The following TNC variants were observed in gnomAD, a reference collection of about 807,000 sequenced individuals.
TNC encodes the protein tenascin.
A neutral mutation model predicts 202.4 loss-of-function variants in TNC; 109 were observed. The observed-to-expected ratio is 0.54, with a 90% CI of 0.46 to 0.63. The LOEUF is 0.63. TNC is among the 30% of genes least tolerant of loss of function. The pLI is 0.00. For synonymous variants in TNC, 1,007 were observed against 1,089.7 expected, an observed-to-expected ratio of 0.92 and a Z score of 1.50; for missense variants, 2,756 against 2,833.3, an observed-to-expected ratio of 0.97 and a Z score of 0.62.
At chr9:115,071,989 A>G (rs1349879793) in intron 10 of TNC, among the ~76,000 whole-genome samples, 2 of 152,214 alleles carry the variant, frequency 1.3e-5, no homozygotes, top group Non-Finnish European at 2.9e-5. Context: ...ATGCAGAGTC[A>G]ACAGAATTGA....
chr9:115,020,533 C>T lies in TNC; in HGVS notation c.*624G>A, dbSNP rs1175602844. ...CAACAATTCAAAGCAAAATAACAAA[C>T]TCAAAAGTACTTGTGCTTTTATTTA... On this transcript the variant is annotated 3_prime_UTR_variant, in exon 28 of 28. Transcript: ENST00000350763. 8.9e-6 allele frequency: 2 copies of T among 224,650 alleles called. No homozygotes were observed. Among genetic ancestry groups the T allele is most frequent in the South Asian group, 5.6e-5 (1 of 17,870 alleles). 13.9% of individuals were successfully genotyped at this position (224,650 alleles called of 1,614,324 possible). A position where few individuals can be genotyped will look rare whatever the true frequency, so the allele number is the denominator to read the frequency against.
chr9:115,105,132 T>C (rs1836515901), intron 1 of TNC, among the ~76,000 whole-genome samples: 1 of 152,160 alleles, frequency 6.6e-6, no homozygotes, highest in Admixed American at 6.5e-5. Flanking sequence ...CAATAAAGTC[T>C]CATACATTTT....
chr9:115,087,327 T>G, intron 2 of TNC, 54 bp from the exon 3 acceptor site: 2 of 1,573,752 alleles, frequency 1.3e-6, no homozygotes, highest in Non-Finnish European at 1.7e-6. Flanking sequence ...CACATTTTTC[T>G]GTATCTACCC....
chr9:115,048,314 A>T lies in TNC; in HGVS notation c.4798T>A (p.Ser1600Thr). The T allele has an allele frequency of 6.2e-7, 1 of 1,614,104 alleles. No individual in the cohort carries two copies. The highest frequency in any genetic ancestry group is 8.5e-7 in the Non-Finnish European group (1 of 1,179,964). The change falls in exon 16 of 28, where the codon TCT becomes ACT. Residue 1600 changes from serine (S) to threonine (T), a missense_variant. Around this residue, in one of 2 missense-constraint regions of TNC, gnomAD observed 2,559 missense variants for 2,546.0 expected, o/e 1.01. Transcript: ENST00000350763. The stretch of plus-strand genomic sequence containing the variant: ...GTTTGATGCCCTTGGGTGAAGCCAG[A>T]GACCATAACCTCATAGCCAATGCCA... Reference protein sequence around the residue: ...ITGIGYEVMVSGFTQGHQTKP... With the variant: ...ITGIGYEVMVTGFTQGHQTKP...
At chr9:115,070,944 C>T (rs778475132) in intron 10 of TNC, among the ~76,000 whole-genome samples, 8 of 152,222 alleles carry the variant, frequency 5.3e-5, no homozygotes, top group Admixed American at 2.6e-4. Context: ...TGTCCAAAAG[C>T]GTCTTCCCAT....
At chr9:115,101,461 C>T (rs1007810083) in intron 1 of TNC, among the ~76,000 whole-genome samples, 2 of 152,182 alleles carry the variant, frequency 1.3e-5, no homozygotes, top group Admixed American at 6.5e-5. Flanking sequence ...GATCTGCCCA[C>T]CTCTGCCTCC....
chr9:115,075,939 A>C, intron 9 of TNC, 93 bp downstream of exon 9: 1 of 1,128,920 alleles, frequency 8.9e-7, no homozygotes. Flanking sequence ...CCAGGCTTCT[A>C]CTTTTTCTCT....
At position 115,089,779 on chromosome 9, in the gene TNC, C is replaced by T. The variant is rs1018304372; in HGVS notation, c.457+783G>A. Among the ~76,000 whole-genome samples the T allele has an allele frequency of 3.3e-5, 5 of 152,208 alleles. No homozygotes were observed. In the East Asian group the frequency reaches 7.7e-4, roughly 23 times the overall value. ...CCTCCCAAAGTGCTGGGATTACAGG[C>T]GTGAACCACTGCGCCTAGCCAAAGA... On this transcript the variant is annotated intron_variant, in intron 2 of 27. Coordinates refer to ENST00000350763, the MANE Select transcript of TNC (RefSeq NM_002160.4).
At chr9:115,054,220 T>G (rs1207592538) in intron 15 of TNC, among the ~76,000 whole-genome samples, 2 of 152,182 alleles carry the variant, frequency 1.3e-5, no homozygotes, top group Admixed American at 6.5e-5. Flanking sequence ...GGGGCTCATT[T>G]GGATAAACTT....
Position 115,035,260 on chromosome 9 carries a change from G to C in TNC, c.5731C>G (p.Arg1911Gly), listed in dbSNP as rs148674204. Residue 1911 changes from arginine (R) to glycine (G), a missense_variant, in exon 22 of 28, where the codon CGG becomes GGG. Coordinates refer to ENST00000350763, the MANE Select transcript of TNC (RefSeq NM_002160.4). ...ETALLTWRPP[R>G]ASVTGYLLVY... ...AGCAGGTAACCGGTGACTGATGCCC[G>C]GGGGGGTCGCCAGGTAAGGAGGGCA... The C allele has an allele frequency of 2.5e-6, 4 of 1,609,108 alleles. No homozygotes were observed. The highest frequency in any genetic ancestry group is 2.5e-6 in the Non-Finnish European group (3 of 1,177,444).
Position 115,048,250 on chromosome 9 carries a change from T to C in TNC, c.4852+10A>G. On this transcript the variant is annotated intron_variant, in intron 16 of 27. Coordinates refer to ENST00000350763, the MANE Select transcript of TNC (RefSeq NM_002160.4). ...GAAGAGGAACAAATGGCTCACTTGA[T>C]TTGAAATACCTGTAACAATCTCAGC... 6.2e-7 allele frequency: 1 copy of C among 1,609,686 alleles called. No individual in the cohort carries two copies. Among genetic ancestry groups the C allele is most frequent in the Non-Finnish European group, 8.5e-7 (1 of 1,177,186 alleles).
In TNC at chr9:115,020,598, G is replaced by T; in HGVS notation, c.*559C>A. On this transcript the variant is annotated 3_prime_UTR_variant, in exon 28 of 28. Transcript: ENST00000350763. ...TCAGGTACTGTCCAGAAATGTTTTGGAAAGAAAGATCTCTTGAAAAATCCT... is the reference window on the plus strand; with the variant it reads ...TCAGGTACTGTCCAGAAATGTTTTGTAAAGAAAGATCTCTTGAAAAATCCT... 2.9e-6 allele frequency: 1 copy of T among 343,274 alleles called. No individual in the cohort carries two copies. Among genetic ancestry groups the T allele is most frequent in the Non-Finnish European group, 5.7e-6 (1 of 175,468 alleles). The allele number at this position is 343,274 out of a possible 1,614,324, so 21.3% of individuals were successfully genotyped here. A position where few individuals can be genotyped will look rare whatever the true frequency, so the allele number is the denominator to read the frequency against.
At chr9:115,090,223 C>T (rs1331256463) in intron 2 of TNC, among the ~76,000 whole-genome samples, 3 of 152,132 alleles carry the variant, frequency 2.0e-5, no homozygotes, top group African/African-American at 7.2e-5. Flanking sequence ...GTAGAAATTT[C>T]ATGGCGTACT....
At chr9:115,085,232 G>A (rs1834617248) in intron 3 of TNC, among the ~76,000 whole-genome samples, 1 of 152,100 alleles carries the variant, frequency 6.6e-6, no homozygotes, top group East Asian at 1.9e-4. Context: ...AAGGATAGGA[G>A]CTTGCAGTCT....
intron 1 of TNC, among the ~76,000 whole-genome samples, chr9:115,100,471 T>A (rs1351870056): frequency 6.6e-6 from 1 of 152,228 alleles, no homozygotes; most frequent in Non-Finnish European, 1.5e-5. Context: ...TAATACCTAG[T>A]TATTTAAGAG....
chr9:115,038,357 C>T lies in TNC; in HGVS notation c.5416G>A (p.Val1806Met), dbSNP rs1430995418. ...TTALDGPSGLVTANITDSEAL... is the reference protein window; with the variant it reads ...TTALDGPSGLMTANITDSEAL... ...TCTGAGTCAGTGATGTTGGCTGTCA[C>T]CAGGCCAGATGGGCCATCCAGAGCT... Residue 1806 changes from valine (V) to methionine (M), a missense_variant, in exon 20 of 28, where the codon GTG becomes ATG. By Grantham distance (21) the Val-to-Met change is conservative (BLOSUM62 1). Coordinates refer to ENST00000350763, the MANE Select transcript of TNC (RefSeq NM_002160.4). The T allele has an allele frequency of 1.2e-6, 2 of 1,614,142 alleles. No individual in the cohort carries two copies.
At position 115,086,205 on chromosome 9, in the gene TNC, C is replaced by A; in HGVS notation, c.1526G>T (p.Gly509Val). The change falls in exon 3 of 28, where the codon GGC becomes GTC. Residue 509 changes from glycine (G) to valine (V), a missense_variant. Physicochemically the swap from Gly to Val is moderately radical, Grantham distance 109 (BLOSUM62 -3). Around this residue, in one of 2 missense-constraint regions of TNC, gnomAD observed 2,559 missense variants for 2,546.0 expected, o/e 1.01. Coordinates refer to ENST00000350763, the MANE Select transcript of TNC (RefSeq NM_002160.4). Reference protein sequence around the residue: ...RQCPRDCSNRGLCVDGQCVCE... With the variant: ...RQCPRDCSNRVLCVDGQCVCE... ...GACGCACTGTCCGTCCACACAGAGGCCCCTGTTGCTGCAGTCCCTGGGGCA... is the reference window on the plus strand; with the variant it reads ...GACGCACTGTCCGTCCACACAGAGGACCCTGTTGCTGCAGTCCCTGGGGCA... The A allele has an allele frequency of 6.2e-7, 1 of 1,614,198 alleles. No individual in the cohort carries two copies.
intron 14 of TNC, among the ~76,000 whole-genome samples, chr9:115,058,982 C>G (rs1032081622): frequency 6.6e-6 from 1 of 152,170 alleles, no homozygotes; most frequent in Non-Finnish European, 1.5e-5. Flanking sequence ...GAGAGAAACT[C>G]TTGATTAAAA....
Position 115,026,698 on chromosome 9 carries a change from G to A in TNC, c.6170-3C>T, listed in dbSNP as rs1039541891. 1 of 1,613,516 alleles carries A rather than the reference G, an allele frequency of 6.2e-7. No homozygotes were observed. Among genetic ancestry groups the A allele is most frequent in the South Asian group, 1.1e-5 (1 of 90,996 alleles). On this transcript the variant is annotated splice_region_variant and splice_polypyrimidine_tract_variant and intron_variant, in intron 25 of 27. Coordinates refer to ENST00000350763, the MANE Select transcript of TNC (RefSeq NM_002160.4). ...GATTTTGTTCAGGTTGTCCAGCCCTGTGGATGACAGGCAAGGGTTGCTAAG... is the reference window on the plus strand; with the variant it reads ...GATTTTGTTCAGGTTGTCCAGCCCTATGGATGACAGGCAAGGGTTGCTAAG...
Sources: allele counts gnomAD v4.1 joint callset (sites outside exome capture counted in the v4.1 genomes callset), GRCh38; gene constraint gnomAD v4.1.1; regional missense constraint gnomAD v4.1.1; transcripts MANE v1.5; gene names NCBI Gene and HGNC (gene_info 2026-07-23, HGNC 2026-07-21).